CSPP1: variants seen among roughly 807,000 people sequenced by gnomAD.
CSPP1 encodes the protein centrosome and spindle pole associated protein 1.
In CSPP1, 126 loss-of-function variants were observed where a neutral mutation model predicts 164.4. That is an observed-to-expected ratio of 0.77 (90% CI 0.66 to 0.89). CSPP1 has a LOEUF of 0.89. Ranked by LOEUF, CSPP1 falls within the 40% of genes least tolerant of loss-of-function variation. The pLI, the probability that CSPP1 is intolerant of heterozygous loss-of-function variation, is 0.00. For missense variants in CSPP1, 1,395 were observed against 1,449.8 expected, an observed-to-expected ratio of 0.96 and a Z score of 0.61; for synonymous variants, 472 against 476.7, an observed-to-expected ratio of 0.99 and a Z score of 0.13.
intron 19 of CSPP1, 44 bp downstream of exon 19, chr8:67,154,180 A>G (rs755717950): frequency 2.1e-6 from 2 of 965,126 alleles, no homozygotes; most frequent in Admixed American, 3.9e-5. Flanking sequence ...TGAGATTTTA[A>G]TAAACAAAAC....
At chr8:67,111,019 A>C (rs1816744631) in intron 9 of CSPP1, among the ~76,000 whole-genome samples, 1 of 152,118 alleles carries the variant, frequency 6.6e-6, no homozygotes, top group Non-Finnish European at 1.5e-5. Context: ...CGGGAGCTTC[A>C]CTTTTGCTGA....
At chr8:67,153,074 C>T (rs935426230) in intron 18 of CSPP1, among the ~76,000 whole-genome samples, 4 of 152,038 alleles carry the variant, frequency 2.6e-5, no homozygotes, top group African/African-American at 4.8e-5. Context: ...TGGTGGCACA[C>T]GCCTGTAGTC....
At chr8:67,086,811 C>T (rs768967678) in intron 4 of CSPP1, 1 of 1,353,188 alleles carries the variant, frequency 7.4e-7, no homozygotes, top group Non-Finnish European at 9.9e-7. Flanking sequence ...GGTTTGTTTC[C>T]CTTGACTTTA....
intron 17 of CSPP1, among the ~76,000 whole-genome samples, chr8:67,143,600 T>C (rs990899091): frequency 6.6e-6 from 1 of 152,176 alleles, no homozygotes; most frequent in African/African-American, 2.4e-5. Context: ...AGTTAATTTC[T>C]CTCAGCAATA....
At position 67,154,038 on chromosome 8, in the gene CSPP1, C is replaced by T. The variant is rs1220173244; in HGVS notation, c.2143C>T (p.Gln715Ter). The change falls in exon 19 of 31, where the codon CAG (glutamine) becomes TAG (stop). Residue 715 changes from glutamine (Q) to a stop codon, truncating the protein, a stop_gained. Transcript: ENST00000678616. LOFTEE classifies it high-confidence loss of function. The stretch of plus-strand genomic sequence containing the variant: ...TTTCTTTCAAGGTCATATGCAAACA[C>T]AGAGCTCTCCTTTTGCTCGGGGAAA... ...ANKSSGHMQT[Q>*]SSPFARGNVF... 1 of 1,590,878 alleles carries T rather than the reference C, an allele frequency of 6.3e-7. No individual in the cohort carries two copies. Among genetic ancestry groups the T allele is most frequent in the Non-Finnish European group, 8.6e-7 (1 of 1,160,414 alleles).
chr8:67,121,753 G>T (rs1183831522), intron 15 of CSPP1, among the ~76,000 whole-genome samples: 1 of 152,128 alleles, frequency 6.6e-6, no homozygotes, highest in Non-Finnish European at 1.5e-5. Flanking sequence ...TTAAATGTTT[G>T]ATAGAATTCA....
chr8:67,159,342 G>A (rs1276010295), intron 21 of CSPP1, among the ~76,000 whole-genome samples: 2 of 151,980 alleles, frequency 1.3e-5, no homozygotes, highest in Non-Finnish European at 2.9e-5. Flanking sequence ...GTCCATTGAA[G>A]GTAATGGATT....
intron 10 of CSPP1, 41 bp downstream of exon 10, chr8:67,112,106 A>G: frequency 6.4e-6 from 9 of 1,401,454 alleles, no homozygotes; most frequent in Non-Finnish European, 8.0e-6. Flanking sequence ...TTTTGAGTTT[A>G]AAGTGCATTT....
intron 9 of CSPP1, among the ~76,000 whole-genome samples, chr8:67,108,532 G>A (rs1485159681): frequency 1.3e-5 from 2 of 152,144 alleles, no homozygotes. Context: ...TGTCCTTCGT[G>A]TGAGGCCTGG....
At chr8:67,092,045 T>C (rs978666432) in intron 5 of CSPP1, among the ~76,000 whole-genome samples, 162 bp downstream of exon 5, 7 of 152,224 alleles carry the variant, frequency 4.6e-5, no homozygotes, top group Admixed American at 3.9e-4. Context: ...TTATGCTGTT[T>C]AAAAAAATTT....
At chr8:67,122,507 T>C (rs1437781289) in intron 15 of CSPP1, among the ~76,000 whole-genome samples, 1 of 152,242 alleles carries the variant, frequency 6.6e-6, no homozygotes, top group East Asian at 1.9e-4. Context: ...TTTTGAAATG[T>C]GTTGTTTACT....
rs757906672 is a variant in CSPP1 at position 67,190,779 on chromosome 8, C to T, written c.3330+20C>T. The T allele has an allele frequency of 1.2e-5, 18 of 1,534,284 alleles. No individual in the cohort carries two copies. The South Asian group carries it at 1.6e-4, about 13-fold the overall frequency. On this transcript the variant is annotated intron_variant, in intron 29 of 30. Coordinates refer to ENST00000678616, the MANE Select transcript of CSPP1 (RefSeq NM_001382391.1). ...GACATTGTATGTATGAGACTTTTCT[C>T]CCCCTTTTCAACTTAGAAGAATGAG... is the stretch of plus-strand genomic sequence containing the variant.
intron 25 of CSPP1, chr8:67,173,055 C>G (rs1830778867): frequency 1.3e-5 from 2 of 152,260 alleles, no homozygotes; most frequent in African/African-American, 4.8e-5. Flanking sequence ...TGCCGATTAA[C>G]TTTGGAATGA....
Position 67,137,617 on chromosome 8 carries a change from A to G in CSPP1, c.1975+14A>G. The G allele has an allele frequency of 6.7e-7, 1 of 1,488,396 alleles. No homozygotes were observed. Among genetic ancestry groups the G allele is most frequent in the Non-Finnish European group, 8.9e-7 (1 of 1,117,474 alleles). The allele number at this position is 1,488,396 out of a possible 1,614,324, so 92.2% of individuals were successfully genotyped here. On this transcript the variant is annotated intron_variant, in intron 17 of 30. Coordinates refer to ENST00000678616, the MANE Select transcript of CSPP1 (RefSeq NM_001382391.1). ...GAAATCTGATAAGTACGTTATTTCT[A>G]CTGACTTGTTTTTAAAATAAGCTAA...
intron 7 of CSPP1, among the ~76,000 whole-genome samples, chr8:67,095,948 G>C (rs1812667303): frequency 6.6e-6 from 1 of 152,192 alleles, no homozygotes; most frequent in South Asian, 2.1e-4. Flanking sequence ...TGTAAAGTTG[G>C]AAAACTGAAA....
At chr8:67,176,472 A>C (rs1264772487) in intron 26 of CSPP1, among the ~76,000 whole-genome samples, 1 of 152,140 alleles carries the variant, frequency 6.6e-6, no homozygotes, top group African/African-American at 2.4e-5. Context: ...CTGGTACAGA[A>C]TTTTTAATAA....
intron 15 of CSPP1, among the ~76,000 whole-genome samples, chr8:67,122,876 GTGTGTGTGTGTGTGTGTGTT>G (rs935627199): frequency 1.8e-4 from 26 of 146,628 alleles, no homozygotes; most frequent in East Asian, 1.4e-3. Context: ...GTCTTGCTCT[GTGTGTGTGTGTGTGTGTGTT>G]TGTGTGTGTG....
At chr8:67,132,913 A>G (rs1821520721) in intron 16 of CSPP1, among the ~76,000 whole-genome samples, 1 of 152,188 alleles carries the variant, frequency 6.6e-6, no homozygotes, top group Non-Finnish European at 1.5e-5. Flanking sequence ...TAACTTACTT[A>G]CTTTTCTATA....
At chr8:67,110,863 TG>T (rs1052201576) in intron 9 of CSPP1, among the ~76,000 whole-genome samples, 1 of 152,084 alleles carries the variant, frequency 6.6e-6, no homozygotes, top group Non-Finnish European at 1.5e-5. Context: ...CTGTTGTTGT[TG>T]TTGTTGTTGT....
Sources: allele counts gnomAD v4.1 joint callset (sites outside exome capture counted in the v4.1 genomes callset), GRCh38; gene constraint gnomAD v4.1.1; transcripts MANE v1.5; gene names NCBI Gene and HGNC (gene_info 2026-07-23, HGNC 2026-07-21).